EYS: variants seen among roughly 807,000 people sequenced by gnomAD.
EYS encodes EGF-like photoreceptor maintenance factor.
A neutral mutation model predicts 282.1 loss-of-function variants in EYS; 250 were observed. That is an observed-to-expected ratio of 0.89 (90% CI 0.80 to 0.98). The LOEUF is 0.98. Ranked by LOEUF, EYS falls within the 50% of genes least tolerant of loss-of-function variation. The pLI is 0.00. For missense variants in EYS, 4,016 were observed against 3,709.0 expected (o/e 1.08, Z -2.15); for synonymous variants, 1,355 against 1,282.9 (o/e 1.06, Z -1.20).
At chr6:65,350,595 T>C (rs1280054764) in intron 9 of EYS, among the ~76,000 whole-genome samples, 3 of 151,682 alleles carry the variant, frequency 2.0e-5, no homozygotes, top group South Asian at 4.1e-4. Context: ...TCTTATTTTC[T>C]TTTTTTGTCT....
chr6:64,447,806 T>A (rs1322171125), intron 26 of EYS, among the ~76,000 whole-genome samples: 1 of 152,214 alleles, frequency 6.6e-6, no homozygotes, highest in African/African-American at 2.4e-5. Flanking sequence ...GTTGAATAAC[T>A]TTTTTTACTG....
intron 32 of EYS, among the ~76,000 whole-genome samples, chr6:64,078,318 T>A (rs537873949): frequency 3.9e-4 from 60 of 152,196 alleles, no homozygotes; most frequent in African/African-American, 1.3e-3. Context: ...GTTTTAATTT[T>A]CTCACTAGTT....
At chr6:64,996,331 C>A (rs906699666) in intron 14 of EYS, among the ~76,000 whole-genome samples, 1 of 151,922 alleles carries the variant, frequency 6.6e-6, no homozygotes, top group African/African-American at 2.4e-5. Context: ...ATCAACTATA[C>A]CCCCCCATCT....
At chr6:64,192,048 G>C (rs1479836904) in intron 31 of EYS, among the ~76,000 whole-genome samples, 1 of 143,518 alleles carries the variant, frequency 7.0e-6, no homozygotes, top group Non-Finnish European at 1.5e-5. Context: ...TTATCTCATT[G>C]TGGTTTTGAT....
intron 15 of EYS, among the ~76,000 whole-genome samples, chr6:64,933,687 T>C (rs1768805748): frequency 6.6e-6 from 1 of 152,182 alleles, no homozygotes; most frequent in Non-Finnish European, 1.5e-5. Flanking sequence ...TCCACACGTA[T>C]GTTTATTGCA....
At chr6:65,116,531 A>C (rs1369491720) in intron 12 of EYS, among the ~76,000 whole-genome samples, 1 of 152,110 alleles carries the variant, frequency 6.6e-6, no homozygotes, top group East Asian at 1.9e-4. Context: ...AAGGGCAATA[A>C]CTGGCTTCTG....
intron 2 of EYS, among the ~76,000 whole-genome samples, chr6:65,604,110 CAGG>C (rs1367329594): frequency 2.0e-5 from 3 of 151,750 alleles, no homozygotes; most frequent in African/African-American, 7.3e-5. Context: ...CAACAAATAC[CAGG>C]AGATTTCCAG....
intron 29 of EYS, among the ~76,000 whole-genome samples, chr6:64,344,117 C>T (rs1316458388): frequency 1.3e-5 from 2 of 152,146 alleles, no homozygotes; most frequent in African/African-American, 4.8e-5. Context: ...CAGCCGAATT[C>T]TACCAGAGGT....
At chr6:64,790,669 C>G (rs1774161423) in intron 22 of EYS, among the ~76,000 whole-genome samples, 1 of 151,654 alleles carries the variant, frequency 6.6e-6, no homozygotes, top group Non-Finnish European at 1.5e-5. Flanking sequence ...TTCATTAAGG[C>G]CAAATGTAGA....
At chr6:63,839,746 A>G (rs536025212) in intron 36 of EYS, among the ~76,000 whole-genome samples, 1 of 152,314 alleles carries the variant, frequency 6.6e-6, no homozygotes, top group African/African-American at 2.4e-5. Flanking sequence ...CAGCAGTGGA[A>G]CTGTTGAATC....
chr6:63,812,275 C>T (rs986219183), intron 36 of EYS, among the ~76,000 whole-genome samples: 2 of 152,194 alleles, frequency 1.3e-5, no homozygotes, highest in African/African-American at 4.8e-5. Context: ...GCTTCTGCTC[C>T]TGTTCCCGGT....
In EYS at chr6:64,385,848, T is replaced by G. The variant is rs183129057; in HGVS notation, c.6078+2842A>C. 2.0e-5 allele frequency among the ~76,000 whole-genome samples: 3 copies of G among 152,322 alleles called. No homozygotes were observed. In the East Asian group the frequency reaches 5.8e-4, roughly 29 times the overall value. The stretch of plus-strand genomic sequence containing the variant: ...GGGTGAACTTTTGTAACATTGGTGT[T>G]CAACAGATGCTTCTTTTTCCATCTT... On this transcript the variant is annotated intron_variant, in intron 29 of 42. Coordinates refer to ENST00000503581, the MANE Select transcript of EYS (RefSeq NM_001142800.2).
chr6:65,179,292 G>C (rs1765310647), intron 12 of EYS, among the ~76,000 whole-genome samples: 1 of 151,538 alleles, frequency 6.6e-6, no homozygotes, highest in Non-Finnish European at 1.5e-5. Context: ...TTTTTGAAAA[G>C]ATCAACAAAA....
intron 35 of EYS, among the ~76,000 whole-genome samples, chr6:63,974,920 T>C (rs796320490): frequency 1.8e-4 from 27 of 152,096 alleles, no homozygotes; most frequent in African/African-American, 3.4e-4. Context: ...ACTGCATTTG[T>C]ACTTTACCAT....
chr6:65,333,662 G>A (rs562880216), intron 11 of EYS, among the ~76,000 whole-genome samples: 3 of 151,292 alleles, frequency 2.0e-5, no homozygotes, highest in Non-Finnish European at 4.4e-5. Flanking sequence ...TTGTTGAATT[G>A]GCTATTTCTC....
intron 33 of EYS, among the ~76,000 whole-genome samples, chr6:64,031,332 A>G (rs1389440639): frequency 6.6e-6 from 1 of 152,218 alleles, no homozygotes; most frequent in Non-Finnish European, 1.5e-5. Flanking sequence ...ATTTCTCGCC[A>G]GGCCTTAGCT....
intron 31 of EYS, among the ~76,000 whole-genome samples, chr6:64,120,651 A>G (rs1162370067): frequency 6.6e-6 from 1 of 152,196 alleles, no homozygotes; most frequent in African/African-American, 2.4e-5. Context: ...ACTGGGAGTC[A>G]GGAGGATATC....
intron 12 of EYS, among the ~76,000 whole-genome samples, chr6:65,287,748 C>T (rs1383521322): frequency 4.0e-5 from 6 of 151,168 alleles, no homozygotes; most frequent in Non-Finnish European, 8.9e-5. Flanking sequence ...CACAAATTTT[C>T]TGCTTAATTT....
chr6:64,383,015 C>T (rs985228970), intron 29 of EYS, among the ~76,000 whole-genome samples: 2 of 152,060 alleles, frequency 1.3e-5, no homozygotes, highest in African/African-American at 4.8e-5. Context: ...TGCCTGGGCA[C>T]GGTGGCTCAT....
Sources: gnomAD v4.1 joint callset for allele counts (sites outside exome capture counted in the v4.1 genomes callset) on GRCh38, gnomAD v4.1.1 for gene constraint, MANE v1.5 for transcripts, NCBI Gene and HGNC (gene_info 2026-07-23, HGNC 2026-07-21) for gene names.